Variants in PPHLN1 observed in about 807,000 individuals in gnomAD.
PPHLN1 encodes the protein periphilin-1.
PPHLN1 carries 29 observed loss-of-function variants against 51.3 expected under a neutral mutation model. That is an observed-to-expected ratio of 0.57 (90% CI 0.42 to 0.77). The LOEUF (loss-of-function observed/expected upper bound fraction) is 0.77. Ranked by LOEUF, PPHLN1 falls within the 30% of genes least tolerant of loss-of-function variation. PPHLN1 has a pLI of 0.00. For synonymous variants in PPHLN1, 147 were observed against 147.8 expected, an observed-to-expected ratio of 0.99 and a Z score of 0.04; for missense variants, 436 against 438.4, an observed-to-expected ratio of 0.99 and a Z score of 0.05.
At chr12:42,426,230 C>CACACACACACACACACACA (rs1414627621) in intron 9 of PPHLN1, among the ~76,000 whole-genome samples, 1 of 80,354 alleles carries the variant, frequency 1.2e-5, no homozygotes, top group Admixed American at 1.1e-4. Flanking sequence ...ACACACACAC[C>CACACACACACACACACACA]CTCATGCATT....
chr12:42,441,455 G>A lies in PPHLN1; in HGVS notation c.1050G>A (p.Lys350=), dbSNP rs1227959508. The stretch of plus-strand genomic sequence containing the variant: ...GTGAGCGGTGTGTTGAAGAACTCAA[G>A]CATTTCATTGCAGAGTATGATACTT... ...EIGERCVEEL[K]HFIAEYDTST... is the part of the protein sequence containing the mutation. The change falls in exon 10 of 10, where the codon AAG becomes AAA. Residue 350 remains lysine, a synonymous_variant. Coordinates refer to ENST00000358314, the MANE Select transcript of PPHLN1 (RefSeq NM_201439.2). 1 of 1,613,048 alleles carries A rather than the reference G, an allele frequency of 6.2e-7. No individual in the cohort carries two copies. Among genetic ancestry groups the A allele is most frequent in the Non-Finnish European group, 8.5e-7 (1 of 1,179,750 alleles).
At chr12:42,384,805 G>A (rs1158957532) in intron 5 of PPHLN1, 135 bp from the exon 6 acceptor site, 1 of 708,842 alleles carries the variant, frequency 1.4e-6, no homozygotes, top group East Asian at 2.7e-5. Context: ...TGAAAGTAGG[G>A]TAGGAAAGAG....
chr12:42,335,725 G>T (rs1266572930), intron 1 of PPHLN1, among the ~76,000 whole-genome samples, 158 bp from the exon 2 acceptor site: 40 of 118,076 alleles, frequency 3.4e-4, no homozygotes, highest in East Asian at 5.1e-4. Context: ...TCTCAAAATT[G>T]TTTGGAAGAA....
chr12:42,427,924 A>G (rs1235665433), intron 9 of PPHLN1, among the ~76,000 whole-genome samples: 1 of 152,214 alleles, frequency 6.6e-6, no homozygotes, highest in African/African-American at 2.4e-5. Context: ...AAAAAAAACA[A>G]TCACATCAAA....
At chr12:42,349,404 T>TTTTGG (rs1565783274) in intron 2 of PPHLN1, among the ~76,000 whole-genome samples, 1 of 106,658 alleles carries the variant, frequency 9.4e-6, no homozygotes, top group Non-Finnish European at 2.0e-5. Flanking sequence ...TTTTGTTTTG[T>TTTTGG]TTTTTAAATT....
At position 42,337,941 on chromosome 12, in the gene PPHLN1, G is replaced by T. The variant is rs1322833213; in HGVS notation, c.72+1967G>T. On this transcript the variant is annotated intron_variant, in intron 2 of 9. Coordinates refer to ENST00000358314, the MANE Select transcript of PPHLN1 (RefSeq NM_201439.2). Reference sequence around the variant, plus strand: ...TGGGACTACAGGCACAAGCCACCACGCCTGGCTAATTTTTATATTTTTAGT... The same window carrying T: ...TGGGACTACAGGCACAAGCCACCACTCCTGGCTAATTTTTATATTTTTAGT... 2.0e-5 allele frequency among the ~76,000 whole-genome samples: 3 copies of T among 151,552 alleles called. No individual in the cohort carries two copies. The South Asian group carries it at 6.3e-4, about 32-fold the overall frequency.
rs139018669 is a variant in PPHLN1, at chr12:42,326,924, T to G, written c.-21+695T>G. Among the ~76,000 whole-genome samples, 1,024 of 152,308 alleles carry G rather than the reference T, an allele frequency of 6.7e-3. 5 individuals are homozygous for G. The highest frequency in any genetic ancestry group is 0.011 in the Non-Finnish European group (762 of 68,022). ...GGAACCCACAGCCTCTCCTGGAGCC[T>G]GCACAATCAATCCAGAGTGAAGCCG... On this transcript the variant is annotated intron_variant, in intron 1 of 9. Coordinates refer to ENST00000358314, the MANE Select transcript of PPHLN1 (RefSeq NM_201439.2).
At chr12:42,335,829 ACCTTTTCTGTT>A (rs1449560559) in intron 1 of PPHLN1, 43 bp from the exon 2 acceptor site, 5 of 1,010,202 alleles carry the variant, frequency 4.9e-6, no homozygotes, top group Non-Finnish European at 6.9e-6. Flanking sequence ...CTCCTTCCTT[ACCTTTTCTGTT>A]ACTTCCTAGT....
intron 9 of PPHLN1, among the ~76,000 whole-genome samples, chr12:42,413,057 C>T (rs1027240643): frequency 2.0e-5 from 3 of 152,302 alleles, no homozygotes; most frequent in Middle Eastern, 6.8e-3. Context: ...TATTTTCTCC[C>T]TTTCTGTGAG....
intron 9 of PPHLN1, among the ~76,000 whole-genome samples, chr12:42,434,932 A>G (rs1669889): frequency 0.087 from 13,192 of 152,266 alleles, 773 homozygotes; most frequent in Middle Eastern, 0.17. Flanking sequence ...ACCTCAGGCA[A>G]TCTGCCCGCC....
intron 1 of PPHLN1, among the ~76,000 whole-genome samples, chr12:42,333,386 C>G (rs2070081320): frequency 1.3e-5 from 2 of 152,130 alleles, no homozygotes; most frequent in Admixed American, 6.5e-5. Flanking sequence ...ATTGCCAGGT[C>G]AAAGCATATG....
intron 6 of PPHLN1, 166 bp from the exon 7 acceptor site, chr12:42,387,290 C>CTAA (rs2139055766): frequency 3.0e-6 from 2 of 659,872 alleles, no homozygotes; most frequent in South Asian, 5.2e-5. Context: ...TGGTGCTTAG[C>CTAA]CTCTGAGAGG....
chr12:42,397,523 T>C (rs976458734), intron 8 of PPHLN1, among the ~76,000 whole-genome samples: 5 of 152,112 alleles, frequency 3.3e-5, no homozygotes, highest in African/African-American at 9.7e-5. Flanking sequence ...GTACTTTCTT[T>C]GCTCACCAGT....
At chr12:42,349,669 A>G (rs1294921920) in intron 2 of PPHLN1, among the ~76,000 whole-genome samples, 3 of 152,070 alleles carry the variant, frequency 2.0e-5, no homozygotes, top group Non-Finnish European at 4.4e-5. Flanking sequence ...ACCGCCCTTA[A>G]TCCATTTAAC....
chr12:42,371,048 C>T (rs972544123), intron 4 of PPHLN1, among the ~76,000 whole-genome samples: 4 of 151,710 alleles, frequency 2.6e-5, no homozygotes, highest in African/African-American at 4.8e-5. Flanking sequence ...TCAAGTGATC[C>T]GCCCTGCCTC....
chr12:42,367,289 C>T (rs1442123388), intron 4 of PPHLN1, among the ~76,000 whole-genome samples: 1 of 152,160 alleles, frequency 6.6e-6, no homozygotes, highest in African/African-American at 2.4e-5. Flanking sequence ...TGTGAATACT[C>T]TTAGGTACTA....
chr12:42,382,725 C>A (rs1219056994), intron 5 of PPHLN1, among the ~76,000 whole-genome samples: 1 of 151,838 alleles, frequency 6.6e-6, no homozygotes, highest in Non-Finnish European at 1.5e-5. Flanking sequence ...CCAACAAAAA[C>A]GAAAGAGGAA....
At chr12:42,446,141 C>T (rs778073885), downstream of PPHLN1, 27 of 1,585,904 alleles carry the variant, frequency 1.7e-5, no homozygotes, top group Non-Finnish European at 1.8e-5. Context: ...ACAGCTTCGT[C>T]GGACGACAGG....
Position 42,427,629 on chromosome 12 carries a change from C to G in PPHLN1, c.910-13686C>G, listed in dbSNP as rs73273906. ...TCAAGATGGATTAAGGACTTACTTA[C>G]ATCTACGACCTGAAACTATAAAAAT... On this transcript the variant is annotated intron_variant, in intron 9 of 9. Transcript: ENST00000358314. Among the ~76,000 whole-genome samples the G allele has an allele frequency of 4.5e-3, 686 of 152,312 alleles. 7 individuals carry two copies. The highest frequency in any genetic ancestry group is 0.015 in the African/African-American group (633 of 41,570).
Sources: allele counts gnomAD v4.1 joint callset (sites outside exome capture counted in the v4.1 genomes callset), GRCh38; gene constraint gnomAD v4.1.1; transcripts MANE v1.5; gene names NCBI Gene and HGNC (gene_info 2026-07-23, HGNC 2026-07-21).